The following SH3PXD2B variants were observed in gnomAD, a reference collection of about 807,000 sequenced individuals.
The protein encoded by SH3PXD2B is SH3 and PX domains 2B.
SH3PXD2B carries 37 observed loss-of-function variants against 73.1 expected under a neutral mutation model. That is an observed-to-expected ratio of 0.51 (90% confidence interval 0.39 to 0.67). The LOEUF is 0.67. SH3PXD2B is among the 30% of genes least tolerant of loss of function. The pLI is 0.00. For synonymous variants in SH3PXD2B, 457 were observed against 480.5 expected (o/e 0.95, Z 0.64); for missense variants, 1,053 against 1,197.8 (o/e 0.88, Z 1.78).
chr5:172,430,836 C>G (rs551014827), intron 1 of SH3PXD2B, among the ~76,000 whole-genome samples: 3 of 152,034 alleles, frequency 2.0e-5, no homozygotes, highest in Admixed American at 2.0e-4. Flanking sequence ...GGCCAACGCC[C>G]CACTTGAGAA....
intron 3 of SH3PXD2B, among the ~76,000 whole-genome samples, chr5:172,403,765 G>A (rs930410689): frequency 3.3e-5 from 5 of 152,208 alleles, no homozygotes; most frequent in Non-Finnish European, 7.3e-5. Context: ...AGTTTACCTT[G>A]AATATCCAGA....
chr5:172,336,780 T>C lies in SH3PXD2B; in HGVS notation c.*1589A>G, dbSNP rs1344641406. 3.0e-6 allele frequency: 3 copies of C among 985,534 alleles called. No homozygotes were observed. Among genetic ancestry groups the C allele is most frequent in the Non-Finnish European group, 2.4e-6 (2 of 830,120 alleles). 61.0% of individuals were successfully genotyped at this position (985,534 alleles called of 1,614,324 possible). On this transcript the variant is annotated 3_prime_UTR_variant, in exon 13 of 13. Coordinates refer to ENST00000311601, the MANE Select transcript of SH3PXD2B (RefSeq NM_001017995.3). ...TCTGCTCTGCTCTCTTACTCTGGGCTGGGAGCTAGAAATGCTGGGTCCTGA... is the reference window on the plus strand; with the variant it reads ...TCTGCTCTGCTCTCTTACTCTGGGCCGGGAGCTAGAAATGCTGGGTCCTGA...
In SH3PXD2B at chr5:172,423,457, A is replaced by G. The variant is rs139985236; in HGVS notation, c.76-961T>C. On this transcript the variant is annotated intron_variant, in intron 1 of 12. Coordinates refer to ENST00000311601, the MANE Select transcript of SH3PXD2B (RefSeq NM_001017995.3). Reference sequence around the variant, plus strand: ...CTGTCCTCCATGAGGTGACGGTTAGAAGGAGAGACAATGCATACATAAGTG... The same window carrying G: ...CTGTCCTCCATGAGGTGACGGTTAGGAGGAGAGACAATGCATACATAAGTG... Among the ~76,000 whole-genome samples, 458 of 150,966 alleles carry G rather than the reference A, an allele frequency of 3.0e-3. 4 individuals carry two copies. Among genetic ancestry groups the G allele is most frequent in the African/African-American group, 0.01 (429 of 41,120 alleles).
At chr5:172,408,593 C>T (rs1339732729) in intron 2 of SH3PXD2B, among the ~76,000 whole-genome samples, 4 of 129,066 alleles carry the variant, frequency 3.1e-5, no homozygotes, top group African/African-American at 9.2e-5. Flanking sequence ...GGCTGGGGTG[C>T]AATGGCATGG....
At chr5:172,373,688 A>G in intron 6 of SH3PXD2B, 102 bp downstream of exon 6, 3 of 1,345,950 alleles carry the variant, frequency 2.2e-6, no homozygotes, top group Non-Finnish European at 1.0e-6. Context: ...CATCCACATC[A>G]CTGTATCCTC....
intron 3 of SH3PXD2B, 70 bp from the exon 4 acceptor site, chr5:172,394,709 G>A (rs767417058): frequency 3.4e-5 from 52 of 1,546,756 alleles, no homozygotes; most frequent in Non-Finnish European, 4.6e-5. Flanking sequence ...CTGAGAGGGT[G>A]TGGACATGGC....
intron 4 of SH3PXD2B, among the ~76,000 whole-genome samples, chr5:172,390,521 G>T (rs1475745898): frequency 1.3e-5 from 2 of 151,986 alleles, no homozygotes; most frequent in African/African-American, 2.4e-5. Flanking sequence ...TGTCCTGGGA[G>T]TGCAGGCTCA....
intron 10 of SH3PXD2B, among the ~76,000 whole-genome samples, chr5:172,348,164 T>G (rs1757037861): frequency 6.6e-6 from 1 of 152,184 alleles, no homozygotes; most frequent in South Asian, 2.1e-4. Context: ...TATATAGACT[T>G]CATTTTCCAG....
chr5:172,368,730 T>C (rs1292576548), intron 6 of SH3PXD2B, among the ~76,000 whole-genome samples: 2 of 98,756 alleles, frequency 2.0e-5, no homozygotes, highest in African/African-American at 8.7e-5. Context: ...ATAAAATATA[T>C]ATTTAATATA....
chr5:172,421,965 G>C lies in SH3PXD2B; in HGVS notation c.156+451C>G, dbSNP rs1758972000. 6.6e-6 allele frequency among the ~76,000 whole-genome samples: 1 copy of C among 152,036 alleles called. No individual in the cohort carries two copies. Among genetic ancestry groups the C allele is most frequent in the African/African-American group, 2.4e-5 (1 of 41,364 alleles). ...AAATATCAAAGCATAAAGCAACAAA[G>C]CACATTATTTGTGTCTCAAAAGTAA... On this transcript the variant is annotated intron_variant, in intron 2 of 12. Coordinates refer to ENST00000311601, the MANE Select transcript of SH3PXD2B (RefSeq NM_001017995.3). The surrounding 1 kb of genome is among the most constrained non-coding windows in gnomAD (Gnocchi z 4.0).
At chr5:172,390,757 G>C (rs1020317065) in intron 4 of SH3PXD2B, among the ~76,000 whole-genome samples, 1 of 151,848 alleles carries the variant, frequency 6.6e-6, no homozygotes, top group African/African-American at 2.4e-5. Context: ...GTGGTCATAT[G>C]ACAAGTTTAA....
At chr5:172,428,720 C>T (rs545764518) in intron 1 of SH3PXD2B, among the ~76,000 whole-genome samples, 19 of 152,340 alleles carry the variant, frequency 1.2e-4, no homozygotes, top group African/African-American at 4.3e-4. Context: ...TATACACAAT[C>T]TGCTGTTGGT....
chr5:172,350,287 C>T (rs565017439), intron 10 of SH3PXD2B, 76 bp downstream of exon 10: 930 of 1,439,248 alleles, frequency 6.5e-4, no homozygotes, highest in Non-Finnish European at 8.3e-4. Context: ...GGATGAGGGA[C>T]GATGTGAGAC....
chr5:172,405,775 T>G (rs1035868671), intron 3 of SH3PXD2B, among the ~76,000 whole-genome samples: 4 of 152,218 alleles, frequency 2.6e-5, no homozygotes, highest in Middle Eastern at 3.2e-3. Context: ...TTTTAAGCTA[T>G]TAAATTGGTG....
intron 3 of SH3PXD2B, among the ~76,000 whole-genome samples, chr5:172,397,677 C>T (rs765117207): frequency 2.0e-5 from 3 of 152,222 alleles, no homozygotes; most frequent in African/African-American, 4.8e-5. Context: ...CGGGTTCCCC[C>T]GATATCTGGC....
intron 10 of SH3PXD2B, among the ~76,000 whole-genome samples, chr5:172,349,512 G>A (rs1388490535): frequency 6.6e-6 from 1 of 152,180 alleles, no homozygotes; most frequent in Non-Finnish European, 1.5e-5. Context: ...AGCAAGATGG[G>A]AGAGGCACTG....
intron 2 of SH3PXD2B, among the ~76,000 whole-genome samples, chr5:172,419,172 G>GC (rs755249673): frequency 3.3e-5 from 5 of 152,184 alleles, no homozygotes; most frequent in African/African-American, 7.2e-5. Context: ...TTGCACCCAG[G>GC]TCTGTCTGAC....
At chr5:172,423,428 G>A (rs1173979245) in intron 1 of SH3PXD2B, among the ~76,000 whole-genome samples, 1 of 151,926 alleles carries the variant, frequency 6.6e-6, no homozygotes, top group Non-Finnish European at 1.5e-5. Flanking sequence ...CACAGGCAGT[G>A]TCCCTGTCCT....
At chr5:172,351,459 G>T (rs577155918) in intron 9 of SH3PXD2B, among the ~76,000 whole-genome samples, 5 of 152,248 alleles carry the variant, frequency 3.3e-5, no homozygotes, top group African/African-American at 1.2e-4. Flanking sequence ...GACCAGAGGG[G>T]CCAATCTAGA....
Sources: allele counts gnomAD v4.1 joint callset (sites outside exome capture counted in the v4.1 genomes callset), GRCh38; gene constraint gnomAD v4.1.1; non-coding constraint Gnocchi (gnomAD v3.1); transcripts MANE v1.5; gene names NCBI Gene and HGNC (gene_info 2026-07-23, HGNC 2026-07-21).